Variants in FA2H observed in about 807,000 individuals in gnomAD.
The protein encoded by FA2H is fatty acid alpha-hydroxylase.
FA2H carries 22 observed loss-of-function variants against 44.9 expected under a neutral mutation model. The ratio of observed to expected loss-of-function variants is 0.49; its 90% CI spans 0.35 to 0.70. The LOEUF is 0.70. FA2H is among the 30% of genes least tolerant of loss of function. FA2H has a pLI of 0.01. For synonymous variants in FA2H, 243 were observed against 213.2 expected (o/e 1.14, Z -1.22); for missense variants, 501 against 504.9 (o/e 0.99, Z 0.07).
At chr16:74,718,403 TA>T (rs1961755506) in intron 5 of FA2H, among the ~76,000 whole-genome samples, 1 of 152,106 alleles carries the variant, frequency 6.6e-6, no homozygotes, top group Non-Finnish European at 1.5e-5. Context: ...TGGGCAGACC[TA>T]TCTTCTCGGG....
chr16:74,756,176 C>A (rs1962608639), intron 1 of FA2H, among the ~76,000 whole-genome samples: 1 of 152,198 alleles, frequency 6.6e-6, no homozygotes, highest in Non-Finnish European at 1.5e-5. Flanking sequence ...CATCCACGCA[C>A]ACGTGGAATC....
chr16:74,774,469 C>G lies in FA2H; in HGVS notation c.270+17G>C, dbSNP rs563704645. 2 of 1,495,964 alleles carry G rather than the reference C, an allele frequency of 1.3e-6. No individual in the cohort carries two copies. The highest frequency in any genetic ancestry group is 2.7e-5 in the South Asian group (2 of 74,940). 92.7% of individuals were successfully genotyped at this position (1,495,964 alleles called of 1,614,324 possible). On this transcript the variant is annotated intron_variant, in intron 1 of 6. Transcript: ENST00000219368. Reference sequence around the variant, plus strand: ...CGGAGGCCTGGGTTGGGGTGGGGGGCCCCGGCCCGGCTGTACCTGCTGCTC... The same window carrying G: ...CGGAGGCCTGGGTTGGGGTGGGGGGGCCCGGCCCGGCTGTACCTGCTGCTC...
chr16:74,726,754 A>G (rs1052600313), intron 3 of FA2H, among the ~76,000 whole-genome samples: 4 of 152,234 alleles, frequency 2.6e-5, no homozygotes, highest in African/African-American at 9.6e-5. Flanking sequence ...AAGCATATGC[A>G]GAATGCCTAT....
chr16:74,751,397 C>T (rs963902318), intron 1 of FA2H, among the ~76,000 whole-genome samples: 1 of 152,066 alleles, frequency 6.6e-6, no homozygotes, highest in African/African-American at 2.4e-5. Flanking sequence ...CGCCTGGCCC[C>T]ATCACACATT....
At chr16:74,767,581 C>T (rs550602226) in intron 1 of FA2H, among the ~76,000 whole-genome samples, 8 of 152,154 alleles carry the variant, frequency 5.3e-5, no homozygotes, top group African/African-American at 1.9e-4. Context: ...GAGCATCAGT[C>T]GTAGGAGGAG....
chr16:74,756,911 T>C (rs1000840434), intron 1 of FA2H, among the ~76,000 whole-genome samples: 1 of 150,620 alleles, frequency 6.6e-6, no homozygotes, highest in Admixed American at 6.6e-5. Context: ...AGAAAAACAC[T>C]AAGCATACAA....
At chr16:74,722,003 A>G (rs1961851172) in intron 4 of FA2H, among the ~76,000 whole-genome samples, 2 of 152,160 alleles carry the variant, frequency 1.3e-5, no homozygotes, top group South Asian at 4.1e-4. Context: ...ACAGCCTTAC[A>G]AGGGAAGCCC....
intron 5 of FA2H, 58 bp from the exon 6 acceptor site, chr16:74,716,657 A>G (rs962932498): frequency 5.3e-6 from 8 of 1,504,158 alleles, no homozygotes; most frequent in Non-Finnish European, 8.9e-7. Context: ...CAGCTGGCCA[A>G]ACCCTGGCCA....
chr16:74,719,259 T>A, intron 4 of FA2H, 99 bp from the exon 5 acceptor site: 1 of 1,054,276 alleles, frequency 9.5e-7, no homozygotes, highest in South Asian at 1.4e-5. Context: ...CGGGAGCTGC[T>A]GCCCTCTGTT....
chr16:74,746,216 G>A (rs1019254686), intron 1 of FA2H, among the ~76,000 whole-genome samples: 2 of 151,984 alleles, frequency 1.3e-5, no homozygotes, highest in African/African-American at 4.8e-5. Flanking sequence ...GTCATAGGAG[G>A]ATGGGGACCA....
At chr16:74,764,639 G>T (rs897269811) in intron 1 of FA2H, among the ~76,000 whole-genome samples, 1 of 152,010 alleles carries the variant, frequency 6.6e-6, no homozygotes, top group African/African-American at 2.4e-5. Context: ...TAACACCTGG[G>T]TGACAAAATA....
chr16:74,763,956 A>G (rs1046079398), intron 1 of FA2H, among the ~76,000 whole-genome samples: 1 of 152,262 alleles, frequency 6.6e-6, no homozygotes, highest in African/African-American at 2.4e-5. Context: ...TTTGCAATAT[A>G]CCATCAAGGT....
At chr16:74,747,674 C>G (rs1202011359) in intron 1 of FA2H, among the ~76,000 whole-genome samples, 2 of 152,090 alleles carry the variant, frequency 1.3e-5, no homozygotes, top group South Asian at 2.1e-4. Flanking sequence ...CAAGGATGGT[C>G]AAGAGCAGCT....
At chr16:74,723,067 A>G (rs1961874180) in intron 4 of FA2H, among the ~76,000 whole-genome samples, 1 of 152,208 alleles carries the variant, frequency 6.6e-6, no homozygotes. Flanking sequence ...CTCTTCTTCA[A>G]TCTGCAGCTG....
intron 2 of FA2H, among the ~76,000 whole-genome samples, chr16:74,735,778 G>C (rs1486500437): frequency 6.6e-6 from 1 of 152,114 alleles, no homozygotes; most frequent in Non-Finnish European, 1.5e-5. Context: ...CTGGGAGTTT[G>C]AGACCAGCCT....
At chr16:74,755,919 T>C (rs987692844) in intron 1 of FA2H, among the ~76,000 whole-genome samples, 13 of 152,210 alleles carry the variant, frequency 8.5e-5, no homozygotes, top group Non-Finnish European at 1.6e-4. Flanking sequence ...GACAACGATA[T>C]GCCTCCTTAC....
intron 2 of FA2H, among the ~76,000 whole-genome samples, chr16:74,731,832 A>G (rs1383871203): frequency 6.6e-6 from 1 of 152,146 alleles, no homozygotes; most frequent in Admixed American, 6.6e-5. Context: ...AATAATACAC[A>G]TCTGTAGCTT....
At chr16:74,717,772 C>G (rs1170613696) in intron 5 of FA2H, among the ~76,000 whole-genome samples, 1 of 152,166 alleles carries the variant, frequency 6.6e-6, no homozygotes, top group Non-Finnish European at 1.5e-5. Context: ...AAAGAGGGAG[C>G]CTGAGACAGC....
chr16:74,729,774 G>A (rs1395712531), intron 2 of FA2H, among the ~76,000 whole-genome samples: 8 of 151,920 alleles, frequency 5.3e-5, no homozygotes, highest in Non-Finnish European at 1.0e-4. Context: ...TTTCCTCCCG[G>A]AGCCCCTCAG....
Sources: gnomAD v4.1 joint callset for allele counts (sites outside exome capture counted in the v4.1 genomes callset) on GRCh38, gnomAD v4.1.1 for gene constraint, MANE v1.5 for transcripts, NCBI Gene and HGNC (gene_info 2026-07-23, HGNC 2026-07-21) for gene names.